Variants in PXDNL observed in about 807,000 individuals in gnomAD.
PXDNL encodes probable oxidoreductase PXDNL.
In PXDNL, 145 loss-of-function variants were observed where a neutral mutation model predicts 150.8. The observed-to-expected ratio is 0.96, with a 90% CI of 0.84 to 1.10. The LOEUF (loss-of-function observed/expected upper bound fraction) is 1.10. PXDNL is among the 50% of genes least tolerant of loss of function. PXDNL has a pLI of 0.00. For missense variants in PXDNL, 2,087 were observed against 1,873.9 expected (o/e 1.11, Z -2.10); for synonymous variants, 757 against 725.7 (o/e 1.04, Z -0.69).
At chr8:51,503,380 T>G (rs1242276362) in intron 4 of PXDNL, among the ~76,000 whole-genome samples, 1 of 137,802 alleles carries the variant, frequency 7.3e-6, no homozygotes, top group Non-Finnish European at 1.6e-5. Context: ...TTGACAAATT[T>G]TCTAACAAAA....
intron 2 of PXDNL, among the ~76,000 whole-genome samples, chr8:51,646,315 C>T (rs542438272): frequency 3.3e-4 from 51 of 152,286 alleles, no homozygotes; most frequent in African/African-American, 1.2e-3. Flanking sequence ...GACCTGCTGG[C>T]ACCATGATCT....
chr8:51,569,430 T>C (rs1331374430), intron 3 of PXDNL, among the ~76,000 whole-genome samples: 22 of 151,964 alleles, frequency 1.4e-4, no homozygotes, highest in Admixed American at 1.4e-3. Flanking sequence ...CACACGCTTT[T>C]TGTTCTTTCA....
Position 51,471,788 on chromosome 8 carries a change from G to A in PXDNL, c.812+399C>T, listed in dbSNP as rs560373181. ...TGCAAGCTCCGCCTCCCGGGTTCAC[G>A]CCATTCTCCTGCCTCAGCCTCCCGA... On this transcript the variant is annotated intron_variant, in intron 8 of 22. Coordinates refer to ENST00000356297, the MANE Select transcript of PXDNL (RefSeq NM_144651.5). Among the ~76,000 whole-genome samples the A allele has an allele frequency of 2.0e-5, 3 of 151,578 alleles. No individual in the cohort carries two copies. In the South Asian group the frequency reaches 6.2e-4, roughly 31 times the overall value.
intron 3 of PXDNL, among the ~76,000 whole-genome samples, chr8:51,572,790 C>CT (rs1174180973): frequency 6.6e-6 from 1 of 151,794 alleles, no homozygotes; most frequent in Non-Finnish European, 1.5e-5. Flanking sequence ...AACTAGTTCT[C>CT]TTTTTTTAAA....
chr8:51,688,552 A>G (rs915048276), intron 1 of PXDNL, among the ~76,000 whole-genome samples: 2 of 152,148 alleles, frequency 1.3e-5, no homozygotes, highest in African/African-American at 4.8e-5. Context: ...GGAAGAGGGC[A>G]GAATCTTGGG....
chr8:51,577,065 C>T (rs982258956), intron 3 of PXDNL, among the ~76,000 whole-genome samples: 1 of 151,132 alleles, frequency 6.6e-6, no homozygotes, highest in African/African-American at 2.4e-5. Flanking sequence ...TTTTATCAGA[C>T]ATTTAATGAC....
chr8:51,765,992 C>T (rs866417648), intron 1 of PXDNL, among the ~76,000 whole-genome samples: 14 of 152,006 alleles, frequency 9.2e-5, no homozygotes, highest in African/African-American at 2.7e-4. Flanking sequence ...TACAGGCGCC[C>T]GCCACCATGC....
chr8:51,612,469 A>G (rs1422535665), intron 2 of PXDNL, among the ~76,000 whole-genome samples: 1 of 151,936 alleles, frequency 6.6e-6, no homozygotes, highest in Admixed American at 6.6e-5. Flanking sequence ...TTTTCCCTTT[A>G]GGGGTGGTAA....
intron 1 of PXDNL, among the ~76,000 whole-genome samples, chr8:51,660,352 AT>A (rs1231725372): frequency 2.0e-5 from 3 of 152,184 alleles, no homozygotes; most frequent in African/African-American, 4.8e-5. Context: ...CTTCCTGAGG[AT>A]ACCCAGGCCA....
chr8:51,593,426 A>G lies in PXDNL; in HGVS notation c.237-728T>C, dbSNP rs534497590. ...TATGGCATGTCTAAATATAGAGGGA[A>G]AGTCTGCTAATTAGATTGGCACACA... is the stretch of plus-strand genomic sequence containing the variant. On this transcript the variant is annotated intron_variant, in intron 2 of 22. Transcript: ENST00000356297. Among the ~76,000 whole-genome samples, 8 of 152,312 alleles carry G rather than the reference A, an allele frequency of 5.3e-5. No homozygotes were observed. In the East Asian group the frequency reaches 1.5e-3, roughly 29 times the overall value.
chr8:51,563,212 C>T (rs1200093891), intron 3 of PXDNL, among the ~76,000 whole-genome samples: 1 of 152,010 alleles, frequency 6.6e-6, no homozygotes, highest in Non-Finnish European at 1.5e-5. Flanking sequence ...ATGGCTTGAA[C>T]AATAGCAATT....
chr8:51,658,979 C>A (rs570281962), intron 1 of PXDNL, among the ~76,000 whole-genome samples: 2 of 93,548 alleles, frequency 2.1e-5, no homozygotes, highest in Non-Finnish European at 5.1e-5. Context: ...TGCATGTCTC[C>A]TTGTACACTT....
intron 1 of PXDNL, among the ~76,000 whole-genome samples, chr8:51,675,278 G>A (rs974731806): frequency 3.9e-5 from 6 of 152,128 alleles, no homozygotes; most frequent in Non-Finnish European, 8.8e-5. Context: ...CCTCTTTTGT[G>A]GATGAGATTA....
intron 14 of PXDNL, among the ~76,000 whole-genome samples, chr8:51,419,401 T>C (rs1213031716): frequency 2.6e-5 from 4 of 152,226 alleles, no homozygotes; most frequent in African/African-American, 9.7e-5. Flanking sequence ...TTCATAACTA[T>C]TGTTTGAATT....
chr8:51,552,869 A>T (rs1655431188), intron 4 of PXDNL, among the ~76,000 whole-genome samples: 1 of 152,196 alleles, frequency 6.6e-6, no homozygotes, highest in Non-Finnish European at 1.5e-5. Flanking sequence ...CAAAAAATTA[A>T]ATAAATCAGA....
intron 1 of PXDNL, among the ~76,000 whole-genome samples, chr8:51,668,116 A>C (rs2130824025): frequency 6.7e-6 from 1 of 150,246 alleles, no homozygotes; most frequent in African/African-American, 2.5e-5. Context: ...ATTTTGATGA[A>C]TGTTATTCTT....
chr8:51,522,335 C>A (rs575197412), intron 4 of PXDNL, among the ~76,000 whole-genome samples: 1 of 152,074 alleles, frequency 6.6e-6, no homozygotes, highest in Admixed American at 6.6e-5. Context: ...TAACTGCCAT[C>A]GGGTCAGGTC....
chr8:51,371,694 G>C (rs892674043), intron 19 of PXDNL, among the ~76,000 whole-genome samples, 179 bp downstream of exon 19: 1 of 152,154 alleles, frequency 6.6e-6, no homozygotes, highest in Non-Finnish European at 1.5e-5. Context: ...TGGGCAGGTT[G>C]GGAGCCTTTT....
chr8:51,602,945 C>T (rs1447995965), intron 2 of PXDNL, among the ~76,000 whole-genome samples: 1 of 151,036 alleles, frequency 6.6e-6, no homozygotes, highest in Non-Finnish European at 1.5e-5. Flanking sequence ...ACATTAAAAT[C>T]CCAATATTTT....
Sources: gnomAD v4.1 joint callset for allele counts (sites outside exome capture counted in the v4.1 genomes callset) on GRCh38, gnomAD v4.1.1 for gene constraint, MANE v1.5 for transcripts, NCBI Gene and HGNC (gene_info 2026-07-23, HGNC 2026-07-21) for gene names.